Variants in TPD52L1 observed in about 807,000 individuals in gnomAD.
TPD52L1 encodes TPD52 like 1, also known as tumor protein D53.
In TPD52L1, 18 loss-of-function variants were observed where a neutral mutation model predicts 28.7. The observed-to-expected ratio is 0.63, with a 90% CI of 0.43 to 0.93. TPD52L1 has a LOEUF of 0.93. Ranked by LOEUF, TPD52L1 falls within the 40% of genes least tolerant of loss-of-function variation. The pLI, the probability that TPD52L1 is intolerant of heterozygous loss-of-function variation, is 0.00. For synonymous variants in TPD52L1, 75 were observed against 88.8 expected, an observed-to-expected ratio of 0.84 and a Z score of 0.88; for missense variants, 203 against 254.8, an observed-to-expected ratio of 0.80 and a Z score of 1.39.
intron 1 of TPD52L1, among the ~76,000 whole-genome samples, chr6:125,163,582 T>TAA (rs749871847): frequency 8.9e-4 from 110 of 123,326 alleles, no homozygotes; most frequent in African/African-American, 3.1e-3. Flanking sequence ...ACACCCTGTC[T>TAA]AAAAAAAAAA....
intron 5 of TPD52L1, among the ~76,000 whole-genome samples, chr6:125,254,219 G>A (rs1797454555): frequency 6.6e-6 from 1 of 152,152 alleles, no homozygotes; most frequent in African/African-American, 2.4e-5. Flanking sequence ...TTTTAAGGTG[G>A]ATATTAAGGT....
chr6:125,242,397 C>A (rs1796668251), intron 3 of TPD52L1, among the ~76,000 whole-genome samples: 1 of 151,906 alleles, frequency 6.6e-6, no homozygotes, highest in African/African-American at 2.4e-5. Flanking sequence ...GTATTAAAGT[C>A]CCCCACTATT....
In TPD52L1 at chr6:125,253,835, G is replaced by A. The variant is rs753643808; in HGVS notation, c.425+80G>A. 43 of 1,313,200 alleles carry A rather than the reference G, an allele frequency of 3.3e-5. No individual in the cohort carries two copies. In the African/African-American group the frequency reaches 6.1e-4, roughly 19 times the overall value. 81.3% of individuals were successfully genotyped at this position (1,313,200 alleles called of 1,614,324 possible). A position where few individuals can be genotyped will look rare whatever the true frequency, so the allele number is the denominator to read the frequency against. The stretch of plus-strand genomic sequence containing the variant: ...TATTTTATTTATATTTACTTATGGG[G>A]TTCCTCTGCTTTATGTGAAAGGAAA... On this transcript the variant is annotated intron_variant, in intron 5 of 6. Coordinates refer to ENST00000534000, the MANE Select transcript of TPD52L1 (RefSeq NM_003287.4).
chr6:125,261,817 A>G (rs2115082102), intron 6 of TPD52L1: 1 of 152,328 alleles, frequency 6.6e-6, no homozygotes, highest in African/African-American at 2.4e-5. Flanking sequence ...AATAACAAAT[A>G]CACAAGAAAA....
At chr6:125,254,020 G>T in intron 5 of TPD52L1, 1 of 638,626 alleles carries the variant, frequency 1.6e-6, no homozygotes. Context: ...CAAGAAATAA[G>T]ACCTACTTCA....
Position 125,263,064 on chromosome 6 carries a change from C to A in TPD52L1, c.*102C>A. On this transcript the variant is annotated 3_prime_UTR_variant, in exon 7 of 7. Coordinates refer to ENST00000534000, the MANE Select transcript of TPD52L1 (RefSeq NM_003287.4). ...AGACCAAAATCCCGCTGGGAAAAACCCAGGCCTTGACATTGTTATTCAAAT... is the reference window on the plus strand; with the variant it reads ...AGACCAAAATCCCGCTGGGAAAAACACAGGCCTTGACATTGTTATTCAAAT... 3.6e-6 allele frequency: 5 copies of A among 1,388,576 alleles called. No homozygotes were observed. The highest frequency in any genetic ancestry group is 4.7e-6 in the Non-Finnish European group (5 of 1,055,646). The allele number at this position is 1,388,576 out of a possible 1,614,324, so 86.0% of individuals were successfully genotyped here. A position where few individuals can be genotyped will look rare whatever the true frequency, so the allele number is the denominator to read the frequency against.
intron 1 of TPD52L1, among the ~76,000 whole-genome samples, chr6:125,186,406 G>T (rs997124371): frequency 1.3e-5 from 2 of 152,174 alleles, no homozygotes; most frequent in Non-Finnish European, 2.9e-5. Flanking sequence ...GATTTGGCCT[G>T]CAGGTCATAG....
intron 1 of TPD52L1, among the ~76,000 whole-genome samples, chr6:125,162,555 A>G (rs1385844401): frequency 6.6e-6 from 1 of 152,220 alleles, no homozygotes; most frequent in Non-Finnish European, 1.5e-5. Flanking sequence ...AATATTTGAC[A>G]AGCACATACT....
At chr6:125,225,195 C>T (rs561200717) in intron 2 of TPD52L1, among the ~76,000 whole-genome samples, 1 of 152,318 alleles carries the variant, frequency 6.6e-6, no homozygotes, top group East Asian at 1.9e-4. Flanking sequence ...GTTTTTATGG[C>T]TGAATAATAT....
At chr6:125,182,431 G>C (rs1054050220) in intron 1 of TPD52L1, among the ~76,000 whole-genome samples, 2 of 152,166 alleles carry the variant, frequency 1.3e-5, no homozygotes, top group Admixed American at 6.5e-5. Flanking sequence ...AGGTGCTGAT[G>C]AGTGTTACCC....
At chr6:125,243,053 G>A (rs1399115833) in intron 3 of TPD52L1, among the ~76,000 whole-genome samples, 1 of 152,100 alleles carries the variant, frequency 6.6e-6, no homozygotes. Context: ...TTTCATTTAT[G>A]AAGCTTAGTT....
chr6:125,248,209 G>A (rs1562376218), intron 3 of TPD52L1, 73 bp from the exon 4 acceptor site: 1 of 1,190,620 alleles, frequency 8.4e-7, no homozygotes, highest in South Asian at 1.3e-5. Context: ...TTCAAAGTAA[G>A]GAGTGAGAAG....
At chr6:125,248,243 T>A (rs775733334) in intron 3 of TPD52L1, 39 bp from the exon 4 acceptor site, 1 of 1,497,754 alleles carries the variant, frequency 6.7e-7, no homozygotes, top group Non-Finnish European at 9.3e-7. Context: ...TTATGGGAGA[T>A]CATGATATAA....
rs1042645502 is a variant in TPD52L1, at chr6:125,220,107, A to G, written c.49A>G (p.Thr17Ala). ...GTTGGAGACTGAACCGTTGCAAGGA[A>G]CAGACGAAGATGCAGTAGCCAGTGC... Reference protein sequence around the residue: ...GLLETEPLQGTDEDAVASADF... With the variant: ...GLLETEPLQGADEDAVASADF... Residue 17 changes from threonine (T) to alanine (A), a missense_variant, in exon 2 of 7, where the codon ACA (threonine) becomes GCA (alanine). Thr to Ala is a moderately conservative substitution (Grantham distance 58). Transcript: ENST00000534000. 17 of 1,613,730 alleles carry G rather than the reference A, an allele frequency of 1.1e-5. No homozygotes were observed. Among genetic ancestry groups the G allele is most frequent in the Non-Finnish European group, 1.4e-5 (17 of 1,179,808 alleles).
chr6:125,165,560 A>T (rs181438393), intron 1 of TPD52L1, among the ~76,000 whole-genome samples: 123 of 152,316 alleles, frequency 8.1e-4, no homozygotes, highest in Admixed American at 1.4e-3. Flanking sequence ...CTGTAGCCAG[A>T]TCATGTACCA....
intron 5 of TPD52L1, 49 bp downstream of exon 5, chr6:125,253,804 A>C (rs1797423817): frequency 6.6e-7 from 1 of 1,513,894 alleles, no homozygotes; most frequent in African/African-American, 1.4e-5. Context: ...AATGTGTTTA[A>C]GGTGTTATTT....
intron 1 of TPD52L1, among the ~76,000 whole-genome samples, chr6:125,200,046 G>C (rs1468119586): frequency 6.6e-6 from 1 of 152,152 alleles, no homozygotes; most frequent in Non-Finnish European, 1.5e-5. Flanking sequence ...TTTAAAAAGG[G>C]AACATGCATT....
At chr6:125,220,014 GA>G (rs1234489967) in intron 1 of TPD52L1, 63 bp from the exon 2 acceptor site, 12 of 1,169,872 alleles carry the variant, frequency 1.0e-5, no homozygotes, top group Non-Finnish European at 1.5e-5. Flanking sequence ...CCACACTATG[GA>G]AGCAGAAGTT....
At chr6:125,183,322 A>G (rs897555614) in intron 1 of TPD52L1, among the ~76,000 whole-genome samples, 1 of 152,168 alleles carries the variant, frequency 6.6e-6, no homozygotes, top group Non-Finnish European at 1.5e-5. Context: ...TATTAAAAAT[A>G]CAAAAGATCA....
Sources: gnomAD v4.1 joint callset for allele counts (sites outside exome capture counted in the v4.1 genomes callset) on GRCh38, gnomAD v4.1.1 for gene constraint, MANE v1.5 for transcripts, NCBI Gene and HGNC (gene_info 2026-07-23, HGNC 2026-07-21) for gene names.